The following ARL8B variants were observed in gnomAD, a reference collection of about 807,000 sequenced individuals.
The protein encoded by ARL8B is ARF like GTPase 8B.
Under a neutral mutation model 30.6 loss-of-function variants are expected in ARL8B, and 9 were observed. The observed-to-expected ratio is 0.29, with a 90% CI of 0.18 to 0.51. ARL8B has a LOEUF of 0.51. Among genes scored for constraint, ARL8B ranks in the 20% least tolerant of loss-of-function variants. The probability of loss-of-function intolerance (pLI) is 0.97; values close to 1 mark genes in which losing one functional copy is unlikely to be tolerated. For missense variants in ARL8B, 130 were observed against 227.2 expected (o/e 0.57, Z 2.75); for synonymous variants, 74 against 76.0 (o/e 0.97, Z 0.14).
At chr3:5,123,299 C>G (rs890618138) in intron 1 of ARL8B, among the ~76,000 whole-genome samples, 16 of 152,144 alleles carry the variant, frequency 1.1e-4, no homozygotes, top group Admixed American at 3.3e-4. Flanking sequence ...AGGAGTTGGT[C>G]TTTAAATGGT....
In ARL8B at chr3:5,156,044, A is replaced by G. The variant is rs368719765; in HGVS notation, c.124-14459A>G. On this transcript the variant is annotated intron_variant, in intron 1 of 6. Coordinates refer to ENST00000256496, the MANE Select transcript of ARL8B (RefSeq NM_018184.3). ...CAGCACCCCTAGTAGCCAAGACTAC[A>G]GGTGCGCACCACCATGCCCATCTAA... Among the ~76,000 whole-genome samples, 16 of 152,078 alleles carry G rather than the reference A, an allele frequency of 1.1e-4. 1 individual carries two copies. Among genetic ancestry groups the G allele is most frequent in the East Asian group, 7.7e-4 (4 of 5,164 alleles).
intron 1 of ARL8B, among the ~76,000 whole-genome samples, chr3:5,139,889 G>T (rs1256823499): frequency 2.0e-5 from 3 of 152,156 alleles, no homozygotes; most frequent in Non-Finnish European, 2.9e-5. Context: ...GCAGTATGCA[G>T]TGCAAGGCTT....
chr3:5,129,964 A>C (rs1156567148), intron 1 of ARL8B, among the ~76,000 whole-genome samples: 2 of 151,892 alleles, frequency 1.3e-5, no homozygotes, highest in Non-Finnish European at 2.9e-5. Flanking sequence ...CCTGGGTTCA[A>C]GTGATTCTCC....
chr3:5,177,873 G>T (rs1006381964), intron 6 of ARL8B, among the ~76,000 whole-genome samples: 1 of 152,242 alleles, frequency 6.6e-6, no homozygotes, highest in African/African-American at 2.4e-5. Context: ...TTAAGGTGCA[G>T]AGGTGCTTCT....
intron 1 of ARL8B, among the ~76,000 whole-genome samples, chr3:5,122,906 G>C (rs1261828212): frequency 1.3e-5 from 2 of 152,220 alleles, no homozygotes; most frequent in Non-Finnish European, 2.9e-5. Context: ...GGGGATTGGG[G>C]TTTCCCTTGG....
rs149739235 is a variant in ARL8B at position 5,174,754 on chromosome 3, A to C, written c.511+340A>C. Among the ~76,000 whole-genome samples, 1,373 of 145,746 alleles carry C rather than the reference A, an allele frequency of 9.4e-3. 21 individuals are homozygous for C. Among genetic ancestry groups the C allele is most frequent in the African/African-American group, 0.032 (1,279 of 39,712 alleles). ...GTAATATATATGTAATATATAATAT[A>C]TATAAATATATATTATATATAACAT... is the stretch of plus-strand genomic sequence containing the variant. On this transcript the variant is annotated intron_variant, in intron 6 of 6. Coordinates refer to ENST00000256496, the MANE Select transcript of ARL8B (RefSeq NM_018184.3).
intron 1 of ARL8B, among the ~76,000 whole-genome samples, chr3:5,132,518 C>T (rs1474033285): frequency 6.6e-6 from 1 of 152,168 alleles, no homozygotes; most frequent in African/African-American, 2.4e-5. Context: ...GGATTACAGG[C>T]GTGAGCCACT....
intron 6 of ARL8B, among the ~76,000 whole-genome samples, chr3:5,175,796 GTC>G (rs1275969861): frequency 6.6e-6 from 1 of 152,120 alleles, no homozygotes; most frequent in African/African-American, 2.4e-5. Flanking sequence ...TACCACTCCA[GTC>G]TCTGCCTCAC....
intron 1 of ARL8B, among the ~76,000 whole-genome samples, chr3:5,152,475 T>C (rs2054493267): frequency 6.6e-6 from 1 of 152,194 alleles, no homozygotes; most frequent in Non-Finnish European, 1.5e-5. Flanking sequence ...CCCTAAATTA[T>C]ATTAAAGTGG....
rs2054707719 is a variant in ARL8B, at chr3:5,174,503, T to G, written c.511+89T>G. On this transcript the variant is annotated intron_variant, in intron 6 of 6. Coordinates refer to ENST00000256496, the MANE Select transcript of ARL8B (RefSeq NM_018184.3). ...ACAGCTTATTGTCTCGATTTCTCAT[T>G]AAGTGACTTCCTTTTCAGAATACTG... 3 of 877,816 alleles carry G rather than the reference T, an allele frequency of 3.4e-6. No homozygotes were observed. The Admixed American group carries it at 6.0e-5, about 18-fold the overall frequency. 54.4% of individuals were successfully genotyped at this position (877,816 alleles called of 1,614,324 possible).
intron 1 of ARL8B, among the ~76,000 whole-genome samples, chr3:5,130,462 T>C (rs1450608782): frequency 6.6e-6 from 1 of 152,180 alleles, no homozygotes; most frequent in Non-Finnish European, 1.5e-5. Context: ...CCCTGATATA[T>C]TTCAGTATAA....
chr3:5,132,261 A>T (rs983221236), intron 1 of ARL8B, among the ~76,000 whole-genome samples: 4 of 146,118 alleles, frequency 2.7e-5, no homozygotes, highest in East Asian at 4.0e-4. Context: ...CATCATTATT[A>T]TTTTTTTTTT....
At chr3:5,135,539 A>C (rs931875939) in intron 1 of ARL8B, among the ~76,000 whole-genome samples, 1 of 151,068 alleles carries the variant, frequency 6.6e-6, no homozygotes, top group East Asian at 1.9e-4. Context: ...GCTTACTGCA[A>C]CCTCCACCTC....
At chr3:5,172,073 C>CT in intron 2 of ARL8B, 77 bp from the exon 3 acceptor site, 3 of 1,378,220 alleles carry the variant, frequency 2.2e-6, no homozygotes, top group East Asian at 2.3e-5. Context: ...CCCGATCTTT[C>CT]TTTTTTTCTG....
At chr3:5,127,599 A>G (rs2054241267) in intron 1 of ARL8B, among the ~76,000 whole-genome samples, 1 of 152,152 alleles carries the variant, frequency 6.6e-6, no homozygotes, top group Admixed American at 6.6e-5. Flanking sequence ...TTGGATATTT[A>G]AATAACTGGC....
At chr3:5,168,503 A>G (rs1242770090) in intron 1 of ARL8B, among the ~76,000 whole-genome samples, 2 of 152,260 alleles carry the variant, frequency 1.3e-5, no homozygotes, top group Non-Finnish European at 2.9e-5. Flanking sequence ...GCTGAGTTAC[A>G]GGAAAGTTGT....
intron 1 of ARL8B, among the ~76,000 whole-genome samples, chr3:5,133,530 T>C (rs2054301066): frequency 6.6e-6 from 1 of 152,040 alleles, no homozygotes; most frequent in Admixed American, 6.6e-5. Flanking sequence ...TTTAAAGATT[T>C]GATTGAATGG....
At chr3:5,157,275 C>T (rs1290368385) in intron 1 of ARL8B, among the ~76,000 whole-genome samples, 9 of 152,226 alleles carry the variant, frequency 5.9e-5, no homozygotes, top group Non-Finnish European at 1.5e-5. Flanking sequence ...CCATATGTCA[C>T]AGCTTGGGGG....
At chr3:5,173,550 C>T (rs1286934747) in intron 4 of ARL8B, among the ~76,000 whole-genome samples, 7 of 152,004 alleles carry the variant, frequency 4.6e-5, no homozygotes, top group South Asian at 2.1e-4. Flanking sequence ...TCCTGGCTAA[C>T]GCGGTGAAAC....
Sources: gnomAD v4.1 joint callset for allele counts (sites outside exome capture counted in the v4.1 genomes callset) on GRCh38, gnomAD v4.1.1 for gene constraint, MANE v1.5 for transcripts, NCBI Gene and HGNC (gene_info 2026-07-23, HGNC 2026-07-21) for gene names.